ZZEF1: variants seen among roughly 807,000 people sequenced by gnomAD.
ZZEF1 encodes the protein zinc finger ZZ-type and EF-hand domain containing 1.
A neutral mutation model predicts 342.8 loss-of-function variants in ZZEF1; 157 were observed. The ratio of observed to expected loss-of-function variants is 0.46; its 90% CI spans 0.40 to 0.52. The LOEUF (loss-of-function observed/expected upper bound fraction) is 0.52, where lower values mean the gene tolerates loss of function less well. Ranked by LOEUF, ZZEF1 falls within the 20% of genes least tolerant of loss-of-function variation. The pLI, the probability that ZZEF1 is intolerant of heterozygous loss-of-function variation, is 0.00. For missense variants in ZZEF1, 3,480 were observed against 3,725.6 expected (o/e 0.93, Z 1.72); for synonymous variants, 1,505 against 1,429.1 (o/e 1.05, Z -1.20).
At chr17:4,084,149 C>G (rs540061166) in intron 16 of ZZEF1, among the ~76,000 whole-genome samples, 1 of 152,338 alleles carries the variant, frequency 6.6e-6, no homozygotes, top group Admixed American at 6.5e-5. Flanking sequence ...AGTGATCCAT[C>G]AAATACATTG....
intron 7 of ZZEF1, 71 bp from the exon 8 acceptor site, chr17:4,104,882 T>C (rs760771969): frequency 1.5e-6 from 2 of 1,352,374 alleles, no homozygotes; most frequent in Non-Finnish European, 2.0e-6. Flanking sequence ...AAACCCCATG[T>C]AAGTGATCAA....
intron 9 of ZZEF1, among the ~76,000 whole-genome samples, chr17:4,097,302 C>T (rs1451740669): frequency 6.6e-6 from 1 of 150,778 alleles, no homozygotes; most frequent in Non-Finnish European, 1.5e-5. Flanking sequence ...GTTTATAAAA[C>T]ATTTAAGCCA....
intron 15 of ZZEF1, 99 bp downstream of exon 15, chr17:4,086,387 C>A (rs1381970364): frequency 9.0e-7 from 1 of 1,113,142 alleles, no homozygotes; most frequent in Non-Finnish European, 1.2e-6. Flanking sequence ...CAATCCCTTT[C>A]TGGCTCGCAT....
At chr17:4,098,811 GCTCTATGAT>G (rs2058080791) in intron 9 of ZZEF1, among the ~76,000 whole-genome samples, 1 of 152,092 alleles carries the variant, frequency 6.6e-6, no homozygotes, top group Non-Finnish European at 1.5e-5. Flanking sequence ...TCACACAGAC[GCTCTATGAT>G]CTAGTTCTAT....
Position 4,070,744 on chromosome 17 carries a change from C to A in ZZEF1, c.4015G>T (p.Ala1339Ser). 4 of 1,614,130 alleles carry A rather than the reference C, an allele frequency of 2.5e-6. No homozygotes were observed. The highest frequency in any genetic ancestry group is 3.4e-6 in the Non-Finnish European group (4 of 1,180,038). ...AGSTIDQAVN[A>S]TFAALVYRTP... ...CGATACACCAGAGCAGCAAAGGTGGCGTTCACAGCTTGATCAATAGTGGAA... is the reference window on the plus strand; with the variant it reads ...CGATACACCAGAGCAGCAAAGGTGGAGTTCACAGCTTGATCAATAGTGGAA... Residue 1339 changes from alanine (A) to serine (S), a missense_variant, in exon 26 of 55, where the codon GCC becomes TCC. Transcript: ENST00000381638.
intron 6 of ZZEF1, among the ~76,000 whole-genome samples, chr17:4,107,608 G>C (rs1035471980): frequency 2.6e-5 from 4 of 152,256 alleles, no homozygotes; most frequent in Non-Finnish European, 4.4e-5. Context: ...AAAGATGCTG[G>C]AGCAGGAATG....
chr17:4,082,644 C>G, intron 16 of ZZEF1, 140 bp from the exon 17 acceptor site: 1 of 722,494 alleles, frequency 1.4e-6, no homozygotes, highest in South Asian at 1.7e-5. Flanking sequence ...CACAGCACCC[C>G]ACTAAAACCC....
Position 4,020,639 on chromosome 17 carries a change from G to T in ZZEF1, c.7404+490C>A, listed in dbSNP as rs543996567. Among the ~76,000 whole-genome samples the T allele has an allele frequency of 1.2e-3, 177 of 152,262 alleles. 1 individual carries two copies. Among genetic ancestry groups the T allele is most frequent in the Non-Finnish European group, 1.1e-3 (73 of 68,020 alleles). On this transcript the variant is annotated intron_variant, in intron 45 of 54. Transcript: ENST00000381638. Reference sequence around the variant, plus strand: ...AGTGTGAGCCACTGTGCCTGGCTGGGATTTGCTTTTTCTGACATTCTACGC... The same window carrying T: ...AGTGTGAGCCACTGTGCCTGGCTGGTATTTGCTTTTTCTGACATTCTACGC...
In ZZEF1 at chr17:4,009,726, G is replaced by A; in HGVS notation, c.8611C>T (p.Leu2871=). The A allele has an allele frequency of 6.2e-7, 1 of 1,614,142 alleles. No homozygotes were observed. Among genetic ancestry groups the A allele is most frequent in the Non-Finnish European group, 8.5e-7 (1 of 1,180,032 alleles). Residue 2871 remains leucine (L), a synonymous_variant, in exon 53 of 55, where the codon CTG becomes TTG. Coordinates refer to ENST00000381638, the MANE Select transcript of ZZEF1 (RefSeq NM_015113.4). ...DLCDLALLKP[L]WQLFTHMEYG... is the part of the protein sequence containing the mutation. Reference sequence around the variant, plus strand: ...TCCATGTGGGTAAAGAGCTGCCACAGGGGCTTCAACAGCGCAAGGTCACAC... The same window carrying A: ...TCCATGTGGGTAAAGAGCTGCCACAAGGGCTTCAACAGCGCAAGGTCACAC...
chr17:4,074,958 T>C (rs1030314806), intron 23 of ZZEF1, 139 bp downstream of exon 23: 1 of 904,660 alleles, frequency 1.1e-6, no homozygotes, highest in Admixed American at 2.7e-5. Context: ...GGTCAAACTC[T>C]GATATAAATC....
At chr17:4,022,883 C>T in intron 43 of ZZEF1, 55 bp from the exon 44 acceptor site, 1 of 1,595,832 alleles carries the variant, frequency 6.3e-7, no homozygotes, top group Non-Finnish European at 8.6e-7. Flanking sequence ...GAAGGTACAA[C>T]CTTAGCTGTA....
At chr17:4,043,281 TTGA>T (rs2145119682) in intron 38 of ZZEF1, among the ~76,000 whole-genome samples, 1 of 152,330 alleles carries the variant, frequency 6.6e-6, no homozygotes, top group East Asian at 1.9e-4. Flanking sequence ...TACTTAATAC[TTGA>T]TGAATGAATA....
intron 52 of ZZEF1, 80 bp downstream of exon 52, chr17:4,013,369 C>A (rs1027487354): frequency 1.9e-5 from 25 of 1,350,374 alleles, no homozygotes; most frequent in Non-Finnish European, 5.8e-6. Context: ...TCAAAGTCAC[C>A]ACTAACAGCA....
chr17:4,081,447 C>A lies in ZZEF1; in HGVS notation c.2758G>T (p.Asp920Tyr). 1 of 1,614,034 alleles carries A rather than the reference C, an allele frequency of 6.2e-7. No homozygotes were observed. Among genetic ancestry groups the A allele is most frequent in the Non-Finnish European group, 8.5e-7 (1 of 1,180,008 alleles). The change falls in exon 18 of 55, where the codon GAC becomes TAC. Residue 920 changes from aspartate to tyrosine, a missense_variant. This residue lies in a region of ZZEF1 where 1,528 missense variants were observed against 1,624.1 expected (regional missense o/e 0.94). Transcript: ENST00000381638. The stretch of plus-strand genomic sequence containing the variant: ...TCACTGATGTTCATCTTGGCCAGGT[C>A]GTTCTTCTCAGGTAAAAGAAGAAGG... The part of the protein sequence containing the change: ...GGLLLLPEKN[D>Y]LAKMNISEVL...
At chr17:4,117,402 T>C (rs902542345) in intron 2 of ZZEF1, among the ~76,000 whole-genome samples, 5 of 152,170 alleles carry the variant, frequency 3.3e-5, no homozygotes, top group African/African-American at 7.2e-5. Flanking sequence ...TCCCAGCACT[T>C]TGGGAGGCCG....
In ZZEF1 at chr17:4,009,705, T is replaced by G. The variant is rs1310125809; in HGVS notation, c.8632A>C (p.Met2878Leu). 6.2e-7 allele frequency: 1 copy of G among 1,614,050 alleles called. No homozygotes were observed. The change falls in exon 53 of 55, where the codon ATG becomes CTG. Residue 2878 changes from methionine (M) to leucine (L), a missense_variant. Transcript: ENST00000381638. ...ACGTCCTCAAACAGGCCGTACTCCA[T>G]GTGGGTAAAGAGCTGCCACAGGGGC... ...LKPLWQLFTHMEYGLFEDVTQ... is the reference protein window; with the variant it reads ...LKPLWQLFTHLEYGLFEDVTQ...
chr17:4,090,970 T>C (rs1253434317), intron 11 of ZZEF1, 140 bp from the exon 12 acceptor site: 2 of 659,702 alleles, frequency 3.0e-6, no homozygotes, highest in African/African-American at 3.6e-5. Context: ...TGGTACATGG[T>C]ACCCTGTGAG....
At chr17:4,106,514 G>A (rs2058215519) in intron 6 of ZZEF1, among the ~76,000 whole-genome samples, 1 of 151,598 alleles carries the variant, frequency 6.6e-6, no homozygotes, top group Non-Finnish European at 1.5e-5. Flanking sequence ...TTTATAGCTA[G>A]GATCTGAAGA....
At chr17:4,118,621 T>G (rs111227323) in intron 2 of ZZEF1, among the ~76,000 whole-genome samples, 11,703 of 152,232 alleles carry the variant, frequency 0.077, 532 homozygotes, top group South Asian at 0.14. Context: ...TTCGGGTCAC[T>G]GGATAAATGG....
Sources: gnomAD v4.1 joint callset for allele counts (sites outside exome capture counted in the v4.1 genomes callset) on GRCh38, gnomAD v4.1.1 for gene constraint, gnomAD v4.1.1 regional missense constraint, MANE v1.5 for transcripts, NCBI Gene and HGNC (gene_info 2026-07-23, HGNC 2026-07-21) for gene names.